The following DENND4C variants were observed in gnomAD, a reference collection of about 807,000 sequenced individuals.
The protein encoded by DENND4C is DENN domain containing 4C.
A neutral mutation model predicts 203.0 loss-of-function variants in DENND4C; 108 were observed. The observed-to-expected ratio is 0.53, with a 90% CI of 0.46 to 0.62. The LOEUF is 0.62. Among genes scored for constraint, DENND4C ranks in the 20% least tolerant of loss-of-function variants. DENND4C has a pLI of 0.00. For synonymous variants in DENND4C, 871 were observed against 792.4 expected, an observed-to-expected ratio of 1.10 and a Z score of -1.67; for missense variants, 2,481 against 2,301.2, an observed-to-expected ratio of 1.08 and a Z score of -1.60.
At chr9:19,317,298 G>A (rs1421488395) in intron 12 of DENND4C, among the ~76,000 whole-genome samples, 1 of 151,644 alleles carries the variant, frequency 6.6e-6, no homozygotes, top group Non-Finnish European at 1.5e-5. Flanking sequence ...GGGATTACAG[G>A]TGTGAGCCAC....
rs1017057266 is a variant in DENND4C, at chr9:19,261,738, C to T, written c.-17-14420C>T. ...CCCAGCTTGGACCCATTGGCTCACT[C>T]AAGCAGTCTTCCCACCTTGGCTTTC... On this transcript the variant is annotated intron_variant, in intron 1 of 32. Transcript: ENST00000434457. Among the ~76,000 whole-genome samples the T allele has an allele frequency of 1.4e-4, 22 of 152,038 alleles. 2 individuals are homozygous for T. The highest frequency in any genetic ancestry group is 4.6e-4 in the Admixed American group (7 of 15,244).
chr9:19,251,632 C>T (rs1826620562), intron 1 of DENND4C, among the ~76,000 whole-genome samples: 1 of 152,200 alleles, frequency 6.6e-6, no homozygotes, highest in Non-Finnish European at 1.5e-5. Flanking sequence ...CTTTTAAGAG[C>T]ACCCAAGTCA....
At chr9:19,251,169 C>A (rs986920736) in intron 1 of DENND4C, among the ~76,000 whole-genome samples, 1 of 152,238 alleles carries the variant, frequency 6.6e-6, no homozygotes, top group African/African-American at 2.4e-5. Flanking sequence ...GAAATCTAGG[C>A]GGTGGTTCGC....
At chr9:19,264,634 C>G (rs1350035394) in intron 1 of DENND4C, among the ~76,000 whole-genome samples, 1 of 152,114 alleles carries the variant, frequency 6.6e-6, no homozygotes, top group Non-Finnish European at 1.5e-5. Flanking sequence ...TTTTGAATTT[C>G]TGTGGTATTG....
At chr9:19,288,301 C>A (rs985055096) in intron 3 of DENND4C, among the ~76,000 whole-genome samples, 1 of 152,206 alleles carries the variant, frequency 6.6e-6, no homozygotes, top group African/African-American at 2.4e-5. Flanking sequence ...CTCCAGTGCA[C>A]ACTCCGTTTT....
chr9:19,319,879 G>A (rs1410931457), intron 12 of DENND4C, among the ~76,000 whole-genome samples: 3 of 152,100 alleles, frequency 2.0e-5, no homozygotes, highest in Admixed American at 2.0e-4. Flanking sequence ...GTGTCCTAAG[G>A]TATCCTTTAG....
intron 2 of DENND4C, among the ~76,000 whole-genome samples, chr9:19,283,562 A>G (rs1834555319): frequency 6.6e-6 from 1 of 150,786 alleles, no homozygotes; most frequent in Non-Finnish European, 1.5e-5. Flanking sequence ...TATAATTTAA[A>G]CAGGGCAGTA....
intron 9 of DENND4C, among the ~76,000 whole-genome samples, chr9:19,302,817 G>A (rs1334996192): frequency 7.9e-5 from 12 of 152,116 alleles, no homozygotes. Flanking sequence ...CTCTGCCCTA[G>A]CTGTTCCTTC....
At chr9:19,255,869 C>G (rs1407774466) in intron 1 of DENND4C, among the ~76,000 whole-genome samples, 1 of 152,186 alleles carries the variant, frequency 6.6e-6, no homozygotes, top group Non-Finnish European at 1.5e-5. Context: ...ATTTACTTGA[C>G]TTGATTTATA....
At chr9:19,315,244 T>C (rs1841588832) in intron 10 of DENND4C, among the ~76,000 whole-genome samples, 1 of 151,898 alleles carries the variant, frequency 6.6e-6, no homozygotes, top group African/African-American at 2.4e-5. Flanking sequence ...AACATACTTC[T>C]TGGTGAGACT....
rs1297851592 is a variant in DENND4C at position 19,319,367 on chromosome 9, T to C, written c.1807+2528T>C. On this transcript the variant is annotated intron_variant, in intron 12 of 32. Transcript: ENST00000434457. The stretch of plus-strand genomic sequence containing the variant: ...ATATATATACTTATATATACACACA[T>C]ATATATACACATACATATATATATA... Among the ~76,000 whole-genome samples, 232 of 105,826 alleles carry C rather than the reference T, an allele frequency of 2.2e-3. 5 individuals are homozygous for C. Among genetic ancestry groups the C allele is most frequent in the South Asian group, 0.016 (59 of 3,596 alleles). The allele number at this position is 105,826 out of a possible 152,430, so 69.4% of individuals were successfully genotyped here.
At chr9:19,318,300 C>G (rs1394779419) in intron 12 of DENND4C, among the ~76,000 whole-genome samples, 5 of 151,794 alleles carry the variant, frequency 3.3e-5, no homozygotes, top group African/African-American at 9.7e-5. Context: ...GCCTGGGCGA[C>G]AAGAGTGAAA....
At chr9:19,337,550 G>C (rs1820754272) in intron 20 of DENND4C, 2 of 1,100,412 alleles carry the variant, frequency 1.8e-6, no homozygotes, top group African/African-American at 3.3e-5. Context: ...TTTGCTCTGT[G>C]CTGTTTCTTG....
intron 12 of DENND4C, among the ~76,000 whole-genome samples, 185 bp downstream of exon 12, chr9:19,317,024 C>T (rs976383): frequency 0.84 from 128,153 of 152,030 alleles, 54,217 homozygotes; most frequent in East Asian, 0.99. Flanking sequence ...GCCCATTTTT[C>T]TCCTGAGAAA....
At position 19,296,231 on chromosome 9, in the gene DENND4C, C is replaced by T. The variant is rs1265952228; in HGVS notation, c.1025C>T (p.Pro342Leu). The change falls in exon 6 of 33, where the codon CCT becomes CTT. Residue 342 changes from proline (P) to leucine (L), a missense_variant. By Grantham distance (98) the Pro-to-Leu change is moderately conservative (BLOSUM62 -3). Transcript: ENST00000434457. The part of the protein sequence containing the change: ...IYKLSVSGPH[P>L]LPIEKHISHF... The stretch of plus-strand genomic sequence containing the variant: ...AAACTTTCTGTGTCTGGACCACATC[C>T]TCTTCCCATTGAAAAGTATGTATAA... The T allele has an allele frequency of 8.7e-6, 14 of 1,605,166 alleles. No homozygotes were observed. In the African/African-American group the frequency reaches 1.5e-4, roughly 17 times the overall value.
At chr9:19,230,603 G>A (rs1820257870), upstream of DENND4C, 1 of 152,070 alleles carries the variant, frequency 6.6e-6, no homozygotes, top group African/African-American at 2.4e-5. Flanking sequence ...TCACAGCGCG[G>A]AGGCACCCGC....
chr9:19,340,932 T>G (rs1279486028), intron 20 of DENND4C, 60 bp from the exon 21 acceptor site: 2 of 1,360,348 alleles, frequency 1.5e-6, no homozygotes, highest in African/African-American at 3.2e-5. Flanking sequence ...TTGTGATTTT[T>G]ATATATGAAT....
In DENND4C at chr9:19,347,063, G is replaced by C; in HGVS notation, c.4294G>C (p.Ala1432Pro). The C allele has an allele frequency of 6.2e-7, 1 of 1,613,570 alleles. No homozygotes were observed. The highest frequency in any genetic ancestry group is 8.5e-7 in the Non-Finnish European group (1 of 1,179,618). ...ASKMWVAVAS[A>P]YSYSDDEEET... Reference sequence around the variant, plus strand: ...TAAGATGTGGGTAGCTGTTGCGTCTGCCTACAGCTACTCAGATGATGAGGT... The same window carrying C: ...TAAGATGTGGGTAGCTGTTGCGTCTCCCTACAGCTACTCAGATGATGAGGT... The change falls in exon 23 of 33, where the codon GCC becomes CCC. Residue 1432 changes from alanine (A) to proline (P), a missense_variant. Transcript: ENST00000434457.
Position 19,346,956 on chromosome 9 carries a change from G to T in DENND4C, c.4187G>T (p.Gly1396Val). 6.2e-7 allele frequency: 1 copy of T among 1,614,148 alleles called. No individual in the cohort carries two copies. Among genetic ancestry groups the T allele is most frequent in the South Asian group, 1.1e-5 (1 of 91,078 alleles). ...GGTTCTGTAGTAAATTCTTTGTCAG[G>T]GCTAAAGCTGGATAATATACTCTCA... ...SLGSVVNSLS[G>V]LKLDNILSGP... The change falls in exon 23 of 33, where the codon GGG becomes GTG. Residue 1396 changes from glycine to valine, a missense_variant. Gly to Val is a moderately radical substitution (Grantham distance 109). This residue lies in a region of DENND4C where 2,289 missense variants were observed against 2,113.3 expected (regional missense o/e 1.08). Transcript: ENST00000434457.
Sources: gnomAD v4.1 joint callset for allele counts (sites outside exome capture counted in the v4.1 genomes callset) on GRCh38, gnomAD v4.1.1 for gene constraint, gnomAD v4.1.1 regional missense constraint, MANE v1.5 for transcripts, NCBI Gene and HGNC (gene_info 2026-07-23, HGNC 2026-07-21) for gene names.